KIDINS220: variants seen among roughly 807,000 people sequenced by gnomAD.
The protein encoded by KIDINS220 is kinase D-interacting substrate of 220 kDa.
In KIDINS220, 63 loss-of-function variants were observed where a neutral mutation model predicts 157.6. That is an observed-to-expected ratio of 0.40 (90% CI 0.33 to 0.49). KIDINS220 has a LOEUF of 0.49. Among genes scored for constraint, KIDINS220 ranks in the 20% least tolerant of loss-of-function variants. The pLI, the probability that KIDINS220 is intolerant of heterozygous loss-of-function variation, is 0.66. For synonymous variants in KIDINS220, 732 were observed against 783.6 expected (o/e 0.93, Z 1.10); for missense variants, 1,772 against 2,171.2 (o/e 0.82, Z 3.65).
In KIDINS220 at chr2:8,750,117, T is replaced by C; in HGVS notation, c.3409A>G (p.Asn1137Asp). Residue 1137 changes from asparagine to aspartate, a missense_variant, in exon 24 of 30, where the codon AAC (asparagine) becomes GAC (aspartate). Physicochemically the swap from Asn to Asp is conservative, Grantham distance 23 (BLOSUM62 1). Around this residue, in one of 3 missense-constraint regions of KIDINS220, gnomAD observed 793 missense variants for 885.5 expected, o/e 0.90. Coordinates refer to ENST00000256707, the MANE Select transcript of KIDINS220 (RefSeq NM_020738.4). ...GMTGPQHPFY[N>D]RPFFAPYLYT... ...GCTGCCTCCAACTTCCTTACCCTGTTGTAGAAGGGATGCTGAGGGCCCGTC... is the reference window on the plus strand; with the variant it reads ...GCTGCCTCCAACTTCCTTACCCTGTCGTAGAAGGGATGCTGAGGGCCCGTC... The C allele has an allele frequency of 6.2e-7, 1 of 1,613,806 alleles. No individual in the cohort carries two copies. Among genetic ancestry groups the C allele is most frequent in the Non-Finnish European group, 8.5e-7 (1 of 1,179,712 alleles).
intron 2 of KIDINS220, among the ~76,000 whole-genome samples, chr2:8,821,933 A>G (rs1477169990): frequency 6.6e-6 from 1 of 152,204 alleles, no homozygotes; most frequent in Non-Finnish European, 1.5e-5. Context: ...ATGTATCAGT[A>G]AAGATCCTTT....
intron 29 of KIDINS220, 81 bp downstream of exon 29, chr2:8,733,363 G>A: frequency 1.7e-6 from 2 of 1,187,090 alleles, no homozygotes; most frequent in Non-Finnish European, 1.2e-6. Context: ...CTGAATGACT[G>A]TCTAAATGCC....
At chr2:8,820,539 G>A (rs940145796) in intron 2 of KIDINS220, among the ~76,000 whole-genome samples, 3 of 152,068 alleles carry the variant, frequency 2.0e-5, no homozygotes, top group African/African-American at 7.2e-5. Context: ...AAACACGAAC[G>A]CTGGTTTAAA....
rs1288262518 is a variant in KIDINS220, at chr2:8,730,646, C to T, written c.*74G>A. On this transcript the variant is annotated 3_prime_UTR_variant, in exon 30 of 30. Transcript: ENST00000256707. ...CAGCAAAATGTAGAAAGGTGATGGG[C>T]GTGGATGGAGTCAAAATCCAGGACA... 3.1e-5 allele frequency: 48 copies of T among 1,524,922 alleles called. No homozygotes were observed. The highest frequency in any genetic ancestry group is 1.8e-4 in the Middle Eastern group (1 of 5,712). The allele number at this position is 1,524,922 out of a possible 1,614,324, so 94.5% of individuals were successfully genotyped here. A position where few individuals can be genotyped will look rare whatever the true frequency, so the allele number is the denominator to read the frequency against.
Position 8,731,124 on chromosome 2 carries a change from G to C in KIDINS220, c.4912C>G (p.Pro1638Ala). 1 of 1,614,128 alleles carries C rather than the reference G, an allele frequency of 6.2e-7. No homozygotes were observed. Among genetic ancestry groups the C allele is most frequent in the Non-Finnish European group, 8.5e-7 (1 of 1,180,012 alleles). ...CAAATGGACATCCGAGCTATAATTG[G>C]ATCTTGCAGGCCACTCAGGCTATGT... ...IPHSLSGLQD[P>A]IIARMSICSE... is the part of the protein sequence containing the mutation. The change falls in exon 30 of 30, where the codon CCA (proline) becomes GCA (alanine). Residue 1638 changes from proline (P) to alanine (A), a missense_variant. By Grantham distance (27) the Pro-to-Ala change is conservative (BLOSUM62 -1). Around this residue, in one of 3 missense-constraint regions of KIDINS220, gnomAD observed 793 missense variants for 885.5 expected, o/e 0.90. Transcript: ENST00000256707. The surrounding 1 kb of genome is among the most constrained non-coding windows in gnomAD (Gnocchi z 5.2).
chr2:8,748,014 T>C lies in KIDINS220; in HGVS notation c.3415-14A>G, dbSNP rs772718754. 7.4e-6 allele frequency: 11 copies of C among 1,487,426 alleles called. No individual in the cohort carries two copies. The highest frequency in any genetic ancestry group is 2.3e-5 in the Admixed American group (1 of 44,154). 92.1% of individuals were successfully genotyped at this position (1,487,426 alleles called of 1,614,324 possible). The stretch of plus-strand genomic sequence containing the variant: ...GGCAAAGAATGGCTATGGAAAAACA[T>C]GTAACAAAAAAGGGGTAAACAATTA... On this transcript the variant is annotated splice_polypyrimidine_tract_variant and intron_variant, in intron 24 of 29. Transcript: ENST00000256707.
chr2:8,819,117 C>T (rs1333683376), intron 2 of KIDINS220, among the ~76,000 whole-genome samples: 1 of 152,034 alleles, frequency 6.6e-6, no homozygotes, highest in Non-Finnish European at 1.5e-5. Flanking sequence ...TTTCAGAATA[C>T]TTATGGTAGC....
In KIDINS220 at chr2:8,730,893, G is replaced by A. The variant is rs768517761; in HGVS notation, c.5143C>T (p.Pro1715Ser). ...GTGGTTGGGTTGGGACTGGAACTAG[G>A]CCTCAAAATGACTTGAGAAGTCTCC... ...IRETSQVILR[P>S]SSSPNPTTIQ... The change falls in exon 30 of 30, where the codon CCT becomes TCT. Residue 1715 changes from proline (P) to serine (S), a missense_variant. By Grantham distance (74) the Pro-to-Ser change is moderately conservative. Around this residue, in one of 3 missense-constraint regions of KIDINS220, gnomAD observed 793 missense variants for 885.5 expected, o/e 0.90. Transcript: ENST00000256707. 2 of 1,614,164 alleles carry A rather than the reference G, an allele frequency of 1.2e-6. No individual in the cohort carries two copies. The highest frequency in any genetic ancestry group is 1.1e-5 in the South Asian group (1 of 91,074).
At chr2:8,793,716 G>T in intron 12 of KIDINS220, 94 bp downstream of exon 12, 1 of 1,185,220 alleles carries the variant, frequency 8.4e-7, no homozygotes, top group Non-Finnish European at 1.2e-6. Context: ...TGGGATTACA[G>T]GCATGAGCCA....
At position 8,730,447 on chromosome 2, in the gene KIDINS220, A is replaced by G. The variant is rs929321967; in HGVS notation, c.*273T>C. 5.8e-5 allele frequency: 72 copies of G among 1,249,830 alleles called. No homozygotes were observed. Among genetic ancestry groups the G allele is most frequent in the Non-Finnish European group, 6.6e-5 (66 of 998,822 alleles). 77.4% of individuals were successfully genotyped at this position (1,249,830 alleles called of 1,614,324 possible). A position where few individuals can be genotyped will look rare whatever the true frequency, so the allele number is the denominator to read the frequency against. On this transcript the variant is annotated 3_prime_UTR_variant, in exon 30 of 30. Coordinates refer to ENST00000256707, the MANE Select transcript of KIDINS220 (RefSeq NM_020738.4). ...TTATACTCAGATCTCACCTCGTCTC[A>G]AAAAGTTTTATGGGGTAATGCGCCA...
At chr2:8,800,302 T>G (rs1415396692) in intron 9 of KIDINS220, 98 bp downstream of exon 9, 13 of 685,580 alleles carry the variant, frequency 1.9e-5, no homozygotes, top group Non-Finnish European at 3.1e-5. Flanking sequence ...GTTTACAAGT[T>G]TATCTCCATA....
intron 1 of KIDINS220, among the ~76,000 whole-genome samples, chr2:8,832,442 T>C (rs1476918985): frequency 6.6e-6 from 1 of 152,220 alleles, no homozygotes; most frequent in African/African-American, 2.4e-5. Flanking sequence ...AATGACACGC[T>C]GTCATGTTTA....
chr2:8,756,647 A>G (rs1668048811), intron 22 of KIDINS220, among the ~76,000 whole-genome samples: 1 of 152,126 alleles, frequency 6.6e-6, no homozygotes, highest in Non-Finnish European at 1.5e-5. Flanking sequence ...TTGGTTTGCA[A>G]ATGATCTTCT....
intron 7 of KIDINS220, among the ~76,000 whole-genome samples, chr2:8,805,005 C>A (rs538661010): frequency 1.3e-5 from 2 of 152,314 alleles, no homozygotes; most frequent in East Asian, 3.9e-4. Context: ...ACAACCCCCT[C>A]CTTGGCTTTG....
At chr2:8,734,886 AG>A in intron 27 of KIDINS220, 133 bp from the exon 28 acceptor site, 1 of 586,678 alleles carries the variant, frequency 1.7e-6, no homozygotes, top group Non-Finnish European at 2.9e-6. Context: ...ACCAAAAAAA[AG>A]GTTATCATCC....
chr2:8,800,276 T>C (rs1674510280), intron 9 of KIDINS220, 124 bp downstream of exon 9: 2 of 564,778 alleles, frequency 3.5e-6, no homozygotes, highest in Non-Finnish European at 6.2e-6. Context: ...AATATACGTC[T>C]GTTAAATGTA....
intron 12 of KIDINS220, among the ~76,000 whole-genome samples, chr2:8,792,352 T>A (rs1673308909): frequency 3.9e-5 from 6 of 152,168 alleles, no homozygotes; most frequent in Admixed American, 3.9e-4. Context: ...GCACATGGGA[T>A]AGACCCAGGA....
At chr2:8,832,972 T>C (rs1679871773) in intron 1 of KIDINS220, among the ~76,000 whole-genome samples, 1 of 152,236 alleles carries the variant, frequency 6.6e-6, no homozygotes, top group South Asian at 2.1e-4. Context: ...ATGCATAGGA[T>C]GTGTGATGAT....
intron 24 of KIDINS220, 31 bp from the exon 25 acceptor site, chr2:8,748,031 A>G: frequency 1.6e-6 from 2 of 1,283,256 alleles, no homozygotes. Context: ...AAAAAGGGGT[A>G]AACAATTACA....
Sources: gnomAD v4.1 joint callset for allele counts (sites outside exome capture counted in the v4.1 genomes callset) on GRCh38, gnomAD v4.1.1 for gene constraint, gnomAD v4.1.1 regional missense constraint, Gnocchi (gnomAD v3.1) non-coding constraint, MANE v1.5 for transcripts, NCBI Gene and HGNC (gene_info 2026-07-23, HGNC 2026-07-21) for gene names.